KCNK2: variants seen among roughly 807,000 people sequenced by gnomAD.
The protein encoded by KCNK2 is potassium channel subfamily K member 2.
A neutral mutation model predicts 40.5 loss-of-function variants in KCNK2; 21 were observed. The ratio of observed to expected loss-of-function variants is 0.52; its 90% CI spans 0.37 to 0.75. The LOEUF is 0.75. Ranked by LOEUF, KCNK2 falls within the 30% of genes least tolerant of loss-of-function variation. The pLI, the probability that KCNK2 is intolerant of heterozygous loss-of-function variation, is 0.00. For synonymous variants in KCNK2, 191 were observed against 202.2 expected, an observed-to-expected ratio of 0.94 and a Z score of 0.47; for missense variants, 399 against 531.6, an observed-to-expected ratio of 0.75 and a Z score of 2.45.
At chr1:215,029,534 A>G (rs1657112421) in intron 1 of KCNK2, among the ~76,000 whole-genome samples, 1 of 147,252 alleles carries the variant, frequency 6.8e-6, no homozygotes, top group African/African-American at 2.5e-5. Context: ...TTAAATATAA[A>G]TATATCCAAA....
intron 2 of KCNK2, among the ~76,000 whole-genome samples, chr1:215,104,138 TA>T (rs1331094666): frequency 6.6e-6 from 1 of 152,086 alleles, no homozygotes; most frequent in African/African-American, 2.4e-5. Context: ...TTCAAAGGCA[TA>T]AACTCATGGA....
At chr1:215,197,360 G>C (rs1358089455) in intron 6 of KCNK2, among the ~76,000 whole-genome samples, 7 of 152,114 alleles carry the variant, frequency 4.6e-5, no homozygotes, top group Admixed American at 2.0e-4. Context: ...GTGCTAGCAG[G>C]GTTGGTTTCT....
intron 2 of KCNK2, among the ~76,000 whole-genome samples, chr1:215,116,187 A>C (rs1258527900): frequency 2.6e-5 from 4 of 152,064 alleles, no homozygotes; most frequent in Non-Finnish European, 4.4e-5. Flanking sequence ...AGTCCTTAAA[A>C]ATGATAGCTC....
chr1:215,167,388 A>G (rs899743383), intron 3 of KCNK2, among the ~76,000 whole-genome samples: 1 of 152,028 alleles, frequency 6.6e-6, no homozygotes, highest in Non-Finnish European at 1.5e-5. Context: ...GTAACAGATA[A>G]CTAAAATCAA....
chr1:215,175,620 T>A (rs1410358047), intron 5 of KCNK2, among the ~76,000 whole-genome samples: 1 of 152,054 alleles, frequency 6.6e-6, no homozygotes, highest in East Asian at 1.9e-4. Context: ...TAGTACCCAA[T>A]AGTTAGCTTT....
At chr1:215,155,362 T>G (rs1299484859) in intron 3 of KCNK2, among the ~76,000 whole-genome samples, 2 of 152,214 alleles carry the variant, frequency 1.3e-5, no homozygotes, top group East Asian at 3.8e-4. Flanking sequence ...TATCTCCTAT[T>G]AGTGTTCCTT....
intron 2 of KCNK2, among the ~76,000 whole-genome samples, chr1:215,087,335 A>G (rs1013029146): frequency 2.0e-5 from 3 of 152,250 alleles, no homozygotes; most frequent in Non-Finnish European, 2.9e-5. Context: ...TAGTACACAG[A>G]AAAAGAGTTT....
intron 6 of KCNK2, among the ~76,000 whole-genome samples, chr1:215,204,493 G>A (rs1373780612): frequency 6.6e-6 from 1 of 151,978 alleles, no homozygotes; most frequent in African/African-American, 2.4e-5. Context: ...AGGATTTAGT[G>A]CATCAAGATA....
At position 215,094,226 on chromosome 1, in the gene KCNK2, C is replaced by A. The variant is rs142386675; in HGVS notation, c.357+7548C>A. Among the ~76,000 whole-genome samples, 422 of 151,746 alleles carry A rather than the reference C, an allele frequency of 2.8e-3. 4 individuals carry two copies. Among genetic ancestry groups the A allele is most frequent in the African/African-American group, 9.6e-3 (396 of 41,396 alleles). ...TTCTTACCAGTGGTTTTGCTCTTCT[C>A]ATAAAACTTTTTGTACCTAATTATA... On this transcript the variant is annotated intron_variant, in intron 2 of 6. Transcript: ENST00000444842.
chr1:215,009,037 C>G (rs77555970), intron 1 of KCNK2, among the ~76,000 whole-genome samples: 2,667 of 152,156 alleles, frequency 0.018, 73 homozygotes, highest in African/African-American at 0.061. Context: ...ATAACCATGT[C>G]TAATCATCTT....
At chr1:215,207,945 G>A (rs890657343) in intron 6 of KCNK2, among the ~76,000 whole-genome samples, 1 of 152,212 alleles carries the variant, frequency 6.6e-6, no homozygotes, top group African/African-American at 2.4e-5. Flanking sequence ...TTTAATCATT[G>A]TGGAAAGCAG....
At chr1:215,160,470 C>A (rs1246463271) in intron 3 of KCNK2, among the ~76,000 whole-genome samples, 3 of 152,172 alleles carry the variant, frequency 2.0e-5, no homozygotes, top group Non-Finnish European at 2.9e-5. Context: ...GCTCCAGGAG[C>A]ACAGGTTTAT....
intron 6 of KCNK2, among the ~76,000 whole-genome samples, chr1:215,205,003 T>C (rs1404092061): frequency 6.6e-6 from 1 of 152,184 alleles, no homozygotes; most frequent in Non-Finnish European, 1.5e-5. Flanking sequence ...TATACATGTA[T>C]ATGTGTGCCC....
At chr1:215,115,761 C>T (rs1194997431) in intron 2 of KCNK2, among the ~76,000 whole-genome samples, 1 of 149,818 alleles carries the variant, frequency 6.7e-6, no homozygotes, top group Non-Finnish European at 1.5e-5. Context: ...TTTTCTTCCA[C>T]TCATGCTGAG....
chr1:215,019,037 G>C (rs974893133), intron 1 of KCNK2, among the ~76,000 whole-genome samples: 3 of 151,948 alleles, frequency 2.0e-5, no homozygotes, highest in Non-Finnish European at 4.4e-5. Context: ...TTGCTCTCTG[G>C]AGTAACTTCA....
intron 1 of KCNK2, among the ~76,000 whole-genome samples, chr1:215,043,799 T>A (rs1169289250): frequency 6.6e-6 from 1 of 152,200 alleles, no homozygotes; most frequent in Non-Finnish European, 1.5e-5. Context: ...TAAAATGTTA[T>A]TGTTATATAT....
intron 1 of KCNK2, among the ~76,000 whole-genome samples, chr1:215,022,799 T>C (rs1258945172): frequency 6.6e-6 from 1 of 152,166 alleles, no homozygotes; most frequent in Admixed American, 6.5e-5. Context: ...CTAATCTTTA[T>C]CTTGTCTAAA....
intron 1 of KCNK2, among the ~76,000 whole-genome samples, chr1:215,036,259 A>C (rs1407221907): frequency 6.6e-6 from 1 of 151,602 alleles, no homozygotes; most frequent in Non-Finnish European, 1.5e-5. Context: ...TTCCATATGG[A>C]TATCCAGTTG....
intron 1 of KCNK2, among the ~76,000 whole-genome samples, chr1:215,076,451 G>A (rs572349026): frequency 4.6e-5 from 7 of 152,160 alleles, no homozygotes; most frequent in Non-Finnish European, 1.0e-4. Context: ...CTCCAGGCTT[G>A]ACTGGAGAAG....
Sources: allele counts gnomAD v4.1 joint callset (sites outside exome capture counted in the v4.1 genomes callset), GRCh38; gene constraint gnomAD v4.1.1; transcripts MANE v1.5; gene names NCBI Gene and HGNC (gene_info 2026-07-23, HGNC 2026-07-21).